The following EYS variants were observed in gnomAD, a reference collection of about 807,000 sequenced individuals.
EYS encodes EGF-like photoreceptor maintenance factor, also known as protein eyes shut homolog.
EYS carries 250 observed loss-of-function variants against 282.1 expected under a neutral mutation model. The observed-to-expected ratio is 0.89, with a 90% CI of 0.80 to 0.98. EYS has a LOEUF of 0.98. Among genes scored for constraint, EYS ranks in the 50% least tolerant of loss-of-function variants. The pLI, the probability that EYS is intolerant of heterozygous loss-of-function variation, is 0.00. For synonymous variants in EYS, 1,355 were observed against 1,282.9 expected, an observed-to-expected ratio of 1.06 and a Z score of -1.20; for missense variants, 4,016 against 3,709.0, an observed-to-expected ratio of 1.08 and a Z score of -2.15.
intron 33 of EYS, among the ~76,000 whole-genome samples, chr6:64,018,580 TGTCTA>T (rs1562153551): frequency 1.3e-5 from 2 of 152,134 alleles, no homozygotes; most frequent in Non-Finnish European, 2.9e-5. Context: ...CATATGCTGA[TGTCTA>T]GCATATGGTA....
intron 26 of EYS, among the ~76,000 whole-genome samples, chr6:64,547,047 G>T (rs1311936601): frequency 6.6e-6 from 1 of 152,154 alleles, no homozygotes; most frequent in Non-Finnish European, 1.5e-5. Context: ...CTGATGTTCG[G>T]ACGTATTCGG....
intron 2 of EYS, among the ~76,000 whole-genome samples, chr6:65,576,054 A>T (rs764721160): frequency 1.3e-5 from 2 of 152,056 alleles, no homozygotes; most frequent in Non-Finnish European, 2.9e-5. Flanking sequence ...ATTAAAGAGG[A>T]GATAATACTT....
chr6:64,625,713 A>G (rs938354594), intron 23 of EYS, among the ~76,000 whole-genome samples: 5 of 152,202 alleles, frequency 3.3e-5, no homozygotes, highest in African/African-American at 1.2e-4. Flanking sequence ...TGAAGAAAAC[A>G]AGTTTATTCA....
intron 5 of EYS, among the ~76,000 whole-genome samples, chr6:65,429,002 G>C (rs1327494064): frequency 6.6e-6 from 1 of 151,916 alleles, no homozygotes; most frequent in African/African-American, 2.4e-5. Context: ...GACAAACATG[G>C]AGAAACACTC....
rs190014836 is a variant in EYS, at chr6:64,374,600, G to T, written c.6078+14090C>A. Among the ~76,000 whole-genome samples the T allele has an allele frequency of 1.5e-3, 228 of 152,226 alleles. 2 individuals carry two copies. The highest frequency in any genetic ancestry group is 5.3e-3 in the African/African-American group (221 of 41,534). Reference sequence around the variant, plus strand: ...AGCTTTGCTCTTCTCTGCTTCTTGTGTTCCCCTTCTGCTTTAATTGATCCC... The same window carrying T: ...AGCTTTGCTCTTCTCTGCTTCTTGTTTTCCCCTTCTGCTTTAATTGATCCC... On this transcript the variant is annotated intron_variant, in intron 29 of 42. Transcript: ENST00000503581.
chr6:65,486,533 G>A (rs1765790672), intron 5 of EYS, among the ~76,000 whole-genome samples: 1 of 152,104 alleles, frequency 6.6e-6, no homozygotes, highest in African/African-American at 2.4e-5. Context: ...TTTAGATAAA[G>A]CATTGAAGTT....
intron 19 of EYS, among the ~76,000 whole-genome samples, chr6:64,846,494 T>C (rs1372654971): frequency 6.6e-6 from 1 of 152,136 alleles, no homozygotes; most frequent in Non-Finnish European, 1.5e-5. Flanking sequence ...AAATGGGATC[T>C]AAATTATCTC....
Position 64,813,380 on chromosome 6 carries a change from G to C in EYS, c.3441C>G (p.Cys1147Trp). The C allele has an allele frequency of 6.5e-7, 1 of 1,539,660 alleles. No homozygotes were observed. Among genetic ancestry groups the C allele is most frequent in the Non-Finnish European group, 8.8e-7 (1 of 1,141,192 alleles). ...CTTGTGGGTAAATAAATACTGACCT[G>C]CAGTCAAAAGTATGTCCAGGCCCAT... ...CVDGPGHTFDCRCLPGFSGQF... is the reference protein window; with the variant it reads ...CVDGPGHTFDWRCLPGFSGQF... The change falls in exon 22 of 43, where the codon TGC becomes TGG. Residue 1147 changes from cysteine to tryptophan, a missense_variant and splice_region_variant. Transcript: ENST00000503581.
intron 22 of EYS, among the ~76,000 whole-genome samples, chr6:64,797,295 G>T (rs952280907): frequency 1.3e-5 from 2 of 151,738 alleles, no homozygotes; most frequent in Admixed American, 1.3e-4. Context: ...TTAAGGCACA[G>T]CAGGGATTGA....
chr6:64,579,584 T>C (rs1765995652), intron 26 of EYS, among the ~76,000 whole-genome samples: 3 of 152,130 alleles, frequency 2.0e-5, no homozygotes, highest in Admixed American at 2.0e-4. Context: ...TGTTGTTTCT[T>C]GGTCAAACCA....
At chr6:64,203,792 T>C (rs993179407) in intron 31 of EYS, among the ~76,000 whole-genome samples, 10 of 152,214 alleles carry the variant, frequency 6.6e-5, no homozygotes, top group Non-Finnish European at 1.0e-4. Flanking sequence ...ACCTGACTCA[T>C]AGTAGGCACT....
At chr6:64,996,204 A>G (rs922468529) in intron 14 of EYS, among the ~76,000 whole-genome samples, 1 of 152,164 alleles carries the variant, frequency 6.6e-6, no homozygotes, top group African/African-American at 2.4e-5. Context: ...AGAGTTCAAC[A>G]GTTGACCACA....
intron 12 of EYS, among the ~76,000 whole-genome samples, chr6:65,146,145 A>G (rs150812014): frequency 1.3e-3 from 195 of 151,242 alleles, no homozygotes; most frequent in African/African-American, 4.6e-3. Context: ...TGAGTTAAGC[A>G]TATAACATAA....
At position 63,924,078 on chromosome 6, in the gene EYS, T is replaced by C. The variant is rs564436922; in HGVS notation, c.7056-59720A>G. ...TCAAAAAGGAATTCTCTAAAGCTTA[T>C]GCTATTTTGAATTCAGTGATGGGAA... On this transcript the variant is annotated intron_variant, in intron 35 of 42. Transcript: ENST00000503581. Among the ~76,000 whole-genome samples the C allele has an allele frequency of 2.0e-5, 3 of 152,276 alleles. No individual in the cohort carries two copies. In the East Asian group the frequency reaches 5.8e-4, roughly 29 times the overall value.
At chr6:63,876,059 T>A (rs1366089010) in intron 35 of EYS, among the ~76,000 whole-genome samples, 4 of 152,086 alleles carry the variant, frequency 2.6e-5, no homozygotes, top group South Asian at 2.1e-4. Flanking sequence ...TTTAATTGTG[T>A]TGTTAGGGTG....
chr6:64,459,895 T>G (rs930850864), intron 26 of EYS, among the ~76,000 whole-genome samples: 1 of 150,730 alleles, frequency 6.6e-6, no homozygotes, highest in African/African-American at 2.4e-5. Flanking sequence ...TTCATTCCAA[T>G]CAAGTTGACA....
intron 15 of EYS, among the ~76,000 whole-genome samples, chr6:64,926,931 C>T (rs901129482): frequency 5.9e-5 from 9 of 152,082 alleles, no homozygotes; most frequent in South Asian, 2.1e-4. Context: ...AGGCGATATA[C>T]GTCATGATTT....
intron 7 of EYS, among the ~76,000 whole-genome samples, chr6:65,398,357 A>C (rs1766366978): frequency 6.6e-6 from 1 of 152,116 alleles, no homozygotes; most frequent in Non-Finnish European, 1.5e-5. Flanking sequence ...AAAGTCAACA[A>C]AAATATACAT....
intron 33 of EYS, among the ~76,000 whole-genome samples, chr6:64,018,759 GTTTTTTTTTTTTTTTTTT>G (rs1163533009): frequency 1.9e-5 from 1 of 53,860 alleles, no homozygotes; most frequent in African/African-American, 7.5e-5. Flanking sequence ...CATCACAAGT[GTTTTTTTTTTTTTTTTTT>G]TTTTTTTTTT....
Sources: allele counts gnomAD v4.1 joint callset (sites outside exome capture counted in the v4.1 genomes callset), GRCh38; gene constraint gnomAD v4.1.1; transcripts MANE v1.5; gene names NCBI Gene and HGNC (gene_info 2026-07-23, HGNC 2026-07-21).